Variants in RIN2 observed in about 807,000 individuals in gnomAD.
RIN2 encodes the protein Ras and Rab interactor 2, also known as RAB5 interacting protein 2.
Under a neutral mutation model 78.0 loss-of-function variants are expected in RIN2, and 36 were observed. That is an observed-to-expected ratio of 0.46 (90% CI 0.35 to 0.61). The LOEUF (loss-of-function observed/expected upper bound fraction) is 0.61, where lower values mean the gene tolerates loss of function less well. Among genes scored for constraint, RIN2 ranks in the 20% least tolerant of loss-of-function variants. The pLI is 0.00. For missense variants in RIN2, 1,087 were observed against 1,159.7 expected, an observed-to-expected ratio of 0.94 and a Z score of 0.91; for synonymous variants, 466 against 466.8, an observed-to-expected ratio of 1.00 and a Z score of 0.02.
At chr20:19,829,512 A>G (rs932430028) in intron 2 of RIN2, among the ~76,000 whole-genome samples, 5 of 152,310 alleles carry the variant, frequency 3.3e-5, no homozygotes, top group Admixed American at 2.6e-4. Flanking sequence ...CTGGGCTTCT[A>G]TAGGCTGTTG....
At chr20:19,766,236 A>C (rs1005453466) in intron 1 of RIN2, among the ~76,000 whole-genome samples, 11 of 152,050 alleles carry the variant, frequency 7.2e-5, no homozygotes, top group African/African-American at 2.7e-4. Context: ...CTCATACCCT[A>C]GTTTTCCCCA....
In RIN2 at chr20:19,790,567, G is replaced by A. The variant is rs139265386; in HGVS notation, c.-162-9055G>A. On this transcript the variant is annotated intron_variant, in intron 1 of 12. Transcript: ENST00000255006. ...ATCTACTCTGGAGGCTGAGGTAGGA[G>A]GATGACATGAGTCCAGGAGGAGTTC... 1.0e-3 allele frequency among the ~76,000 whole-genome samples: 155 copies of A among 152,236 alleles called. 1 individual carries two copies. The highest frequency in any genetic ancestry group is 2.7e-3 in the Admixed American group (42 of 15,286).
At chr20:19,828,077 G>T (rs148092343) in intron 2 of RIN2, among the ~76,000 whole-genome samples, 38 of 152,050 alleles carry the variant, frequency 2.5e-4, no homozygotes, top group African/African-American at 8.9e-4. Context: ...CTCCCTCTTA[G>T]CTACTGACTT....
intron 2 of RIN2, among the ~76,000 whole-genome samples, chr20:19,850,012 G>C (rs77773358): frequency 0.012 from 1,873 of 152,216 alleles, 14 homozygotes; most frequent in African/African-American, 0.016. Flanking sequence ...ACAAGTGACT[G>C]TTCTCATTAA....
At chr20:19,940,455 C>T (rs1318458497) in intron 4 of RIN2, among the ~76,000 whole-genome samples, 2 of 152,248 alleles carry the variant, frequency 1.3e-5, no homozygotes, top group Non-Finnish European at 2.9e-5. Flanking sequence ...GGCCCTTCCC[C>T]CAGTCTCCAG....
rs535994979 is a variant in RIN2, at chr20:19,810,683, C to CTT, written c.-37+10961_-37+10962dup. Among the ~76,000 whole-genome samples, 736 of 99,518 alleles carry CTT rather than the reference C, an allele frequency of 7.4e-3. 83 individuals are homozygous for CTT. The highest frequency in any genetic ancestry group is 0.029 in the African/African-American group (689 of 24,168). 65.3% of individuals were successfully genotyped at this position (99,518 alleles called of 152,430 possible). A position where few individuals can be genotyped will look rare whatever the true frequency, so the allele number is the denominator to read the frequency against. ...TTGATCATGTTAAGATTATAAGGTACTTTTTTTTTTTTTTTTTTTTTTTTT... is the reference window on the plus strand; with the variant it reads ...TTGATCATGTTAAGATTATAAGGTACTTTTTTTTTTTTTTTTTTTTTTTTTTT... On this transcript the variant is annotated intron_variant, in intron 2 of 12. Transcript: ENST00000255006.
At chr20:19,760,400 C>T (rs958707537) in intron 1 of RIN2, among the ~76,000 whole-genome samples, 6 of 152,186 alleles carry the variant, frequency 3.9e-5, no homozygotes, top group Non-Finnish European at 8.8e-5. Context: ...AAATAGCCCA[C>T]ACTTGACCTC....
chr20:19,902,046 A>C (rs1010752324), intron 3 of RIN2, among the ~76,000 whole-genome samples: 1 of 148,852 alleles, frequency 6.7e-6, no homozygotes, highest in Non-Finnish European at 1.5e-5. Context: ...AAAAAAATTG[A>C]GCAAACACAC....
intron 3 of RIN2, among the ~76,000 whole-genome samples, chr20:19,934,148 T>C (rs188166134): frequency 1.3e-5 from 2 of 152,304 alleles, no homozygotes; most frequent in African/African-American, 2.4e-5. Context: ...AAAGAACTTA[T>C]GTTTGTATGG....
At chr20:19,844,593 G>GCTGCTTCTTCTT (rs1568806843) in intron 2 of RIN2, among the ~76,000 whole-genome samples, 1 of 64,066 alleles carries the variant, frequency 1.6e-5, no homozygotes, top group African/African-American at 5.1e-5. Context: ...TGCTGCTGCT[G>GCTGCTTCTTCTT]CTTCTTCCTC....
chr20:19,978,726 T>C (rs1386417132), intron 9 of RIN2, among the ~76,000 whole-genome samples: 10 of 152,212 alleles, frequency 6.6e-5, no homozygotes, highest in Non-Finnish European at 1.5e-4. Flanking sequence ...AGACACGGGC[T>C]CGTTCCTGTG....
In RIN2 at chr20:19,781,786, T is replaced by TC. The variant is rs980560104; in HGVS notation, c.-162-17836_-162-17835insC. 3.3e-4 allele frequency among the ~76,000 whole-genome samples: 50 copies of TC among 151,872 alleles called. 1 individual carries two copies. The highest frequency in any genetic ancestry group is 1.2e-3 in the African/African-American group (49 of 41,350). ...GCTATGAAGGAAGATTATACACTTTTTTTTTTTTTTTCAAGAAAAGTATTT... is the reference window on the plus strand; with the variant it reads ...GCTATGAAGGAAGATTATACACTTTTCTTTTTTTTTTTCAAGAAAAGTATTT... On this transcript the variant is annotated intron_variant, in intron 1 of 12. Transcript: ENST00000255006.
intron 11 of RIN2, 67 bp downstream of exon 11, chr20:19,992,366 G>A (rs928653716): frequency 3.9e-5 from 55 of 1,426,184 alleles, no homozygotes; most frequent in South Asian, 1.2e-4. Context: ...TAATTGAGAC[G>A]AAATTCATGT....
chr20:19,764,916 G>GTGTTTTTTT (rs1568731017), intron 1 of RIN2, among the ~76,000 whole-genome samples: 2 of 35,344 alleles, frequency 5.7e-5, no homozygotes, highest in Admixed American at 8.9e-4. Context: ...TTCACTTTCT[G>GTGTTTTTTT]CGTTTTTTTT....
chr20:19,775,082 A>G (rs2034266208), intron 1 of RIN2, among the ~76,000 whole-genome samples: 1 of 152,202 alleles, frequency 6.6e-6, no homozygotes, highest in African/African-American at 2.4e-5. Flanking sequence ...GTTAAGTTTG[A>G]TGAGCCTGTG....
intron 3 of RIN2, among the ~76,000 whole-genome samples, chr20:19,901,015 G>A (rs2123629600): frequency 7.0e-6 from 1 of 142,186 alleles, no homozygotes; most frequent in Non-Finnish European, 1.5e-5. Flanking sequence ...CAGAGAATCA[G>A]AAACTGCAGG....
Position 19,902,334 on chromosome 20 carries a change from C to T in RIN2, c.57+12676C>T, listed in dbSNP as rs530839555. 2.6e-5 allele frequency among the ~76,000 whole-genome samples: 4 copies of T among 152,270 alleles called. No homozygotes were observed. In the East Asian group the frequency reaches 5.8e-4, roughly 22 times the overall value. On this transcript the variant is annotated intron_variant, in intron 3 of 12. Coordinates refer to ENST00000255006, the MANE Select transcript of RIN2 (RefSeq NM_018993.4). ...CAGAAATGAGACTCAGGCAGTCTCT[C>T]CTCCCACCACCTTCCATGGAGTGCT...
At chr20:19,828,300 C>T (rs2036154806) in intron 2 of RIN2, among the ~76,000 whole-genome samples, 1 of 152,218 alleles carries the variant, frequency 6.6e-6, no homozygotes, top group African/African-American at 2.4e-5. Flanking sequence ...CTCACTTCCA[C>T]TTCCCCAATC....
intron 4 of RIN2, among the ~76,000 whole-genome samples, chr20:19,942,118 A>AAAAAAAAAAG (rs61328325): frequency 0.015 from 2,138 of 142,958 alleles, 83 homozygotes; most frequent in African/African-American, 0.041. Flanking sequence ...TCAAAAAAAA[A>AAAAAAAAAAG]AAAAGAAAGA....
Sources: gnomAD v4.1 joint callset for allele counts (sites outside exome capture counted in the v4.1 genomes callset) on GRCh38, gnomAD v4.1.1 for gene constraint, MANE v1.5 for transcripts, NCBI Gene and HGNC (gene_info 2026-07-23, HGNC 2026-07-21) for gene names.